Variants in DEF8 observed in about 807,000 individuals in gnomAD.
DEF8 encodes the protein DEF-8.
A neutral mutation model predicts 59.1 loss-of-function variants in DEF8; 38 were observed. The ratio of observed to expected loss-of-function variants is 0.64; its 90% CI spans 0.50 to 0.84. The LOEUF is 0.84. DEF8 is among the 40% of genes least tolerant of loss of function. The probability of loss-of-function intolerance (pLI) is 0.00; values close to 1 mark genes in which losing one functional copy is unlikely to be tolerated. For missense variants in DEF8, 557 were observed against 615.2 expected (o/e 0.91, Z 1.00); for synonymous variants, 265 against 250.1 (o/e 1.06, Z -0.56).
At chr16:89,959,364 A>G (rs993503029) in intron 6 of DEF8, 6 of 1,435,578 alleles carry the variant, frequency 4.2e-6, no homozygotes, top group Non-Finnish European at 1.8e-6. Context: ...CTAGTGAATT[A>G]CATGGTGTGT....
rs148390389 is a variant in DEF8 at position 89,963,460 on chromosome 16, G to T, written c.1002+17G>T. 3.4e-4 allele frequency: 554 copies of T among 1,608,930 alleles called. 5 individuals are homozygous for T. The East Asian group carries it at 0.011, about 33-fold the overall frequency. On this transcript the variant is annotated intron_variant, in intron 10 of 12. Transcript: ENST00000563594. ...CTGCTGCAGGTCAGACTGCCAGCAG[G>T]ACTGGCCCCCGATGGGAAGCGCAGC...
In DEF8 at chr16:89,966,041, C is replaced by T. The variant is rs952486094; in HGVS notation, c.*78C>T. 5.6e-5 allele frequency: 67 copies of T among 1,198,464 alleles called. No homozygotes were observed. The highest frequency in any genetic ancestry group is 2.3e-4 in the East Asian group (9 of 39,804). 74.2% of individuals were successfully genotyped at this position (1,198,464 alleles called of 1,614,324 possible). A position where few individuals can be genotyped will look rare whatever the true frequency, so the allele number is the denominator to read the frequency against. ...CAACATCAAGTTGTTCCTTCTGCTCCGGAGACCCCTGGGGTGCGGCCCTGG... is the reference window on the plus strand; with the variant it reads ...CAACATCAAGTTGTTCCTTCTGCTCTGGAGACCCCTGGGGTGCGGCCCTGG... On this transcript the variant is annotated 3_prime_UTR_variant, in exon 13 of 13. Transcript: ENST00000563594.
rs1178268589 is a variant in DEF8 at position 89,954,110 on chromosome 16, G to A, written c.-10-133G>A. The A allele has an allele frequency of 3.3e-5, 31 of 936,832 alleles. No homozygotes were observed. Among genetic ancestry groups the A allele is most frequent in the Admixed American group, 1.0e-4 (4 of 39,594 alleles). The allele number at this position is 936,832 out of a possible 1,614,324, so 58.0% of individuals were successfully genotyped here. On this transcript the variant is annotated intron_variant, in intron 2 of 12. Transcript: ENST00000563594. The surrounding 1 kb of genome is among the most constrained non-coding windows in gnomAD (Gnocchi z 4.3). Reference sequence around the variant, plus strand: ...AAAGGCTGAAGATCAAGGCTGTGGTGTGAGGACTACCCACTTTAGGGAAGT... The same window carrying A: ...AAAGGCTGAAGATCAAGGCTGTGGTATGAGGACTACCCACTTTAGGGAAGT...
At chr16:89,950,133 C>G in intron 2 of DEF8, 2 of 987,804 alleles carry the variant, frequency 2.0e-6, no homozygotes, top group Non-Finnish European at 2.4e-6. Flanking sequence ...TGCCAGCGTG[C>G]CTTCCTTGAC....
At chr16:89,950,490 G>T (rs1295038658) in intron 2 of DEF8, among the ~76,000 whole-genome samples, 1 of 151,780 alleles carries the variant, frequency 6.6e-6, no homozygotes, top group East Asian at 1.9e-4. Flanking sequence ...CCGTGTTCAA[G>T]TGATTCTCCT....
At chr16:89,965,688 G>A (rs1427783138) in intron 12 of DEF8, among the ~76,000 whole-genome samples, 173 bp from the exon 13 acceptor site, 5 of 152,120 alleles carry the variant, frequency 3.3e-5, no homozygotes, top group African/African-American at 9.7e-5. Flanking sequence ...ACATCTGCAC[G>A]CCCGTAAGCG....
At position 89,967,801 on chromosome 16, in the gene DEF8, G is replaced by C. The variant is rs2034684109; in HGVS notation, c.*1838G>C. 1 of 218,262 alleles carries C rather than the reference G, an allele frequency of 4.6e-6. No homozygotes were observed. Among genetic ancestry groups the C allele is most frequent in the Non-Finnish European group, 8.9e-6 (1 of 111,900 alleles). 13.5% of individuals were successfully genotyped at this position (218,262 alleles called of 1,614,324 possible). ...AGAAAAACTGTGCTGGTATTTGCTG[G>C]ACAAAGGGTTGGGCCCCTTTTATTT... On this transcript the variant is annotated 3_prime_UTR_variant, in exon 13 of 13. Transcript: ENST00000563594.
At chr16:89,950,307 G>A (rs2031770820) in intron 2 of DEF8, 1 of 985,300 alleles carries the variant, frequency 1.0e-6, no homozygotes, top group African/African-American at 1.7e-5. Context: ...CAAGTCCTTA[G>A]CCCTTCCATC....
intron 6 of DEF8, among the ~76,000 whole-genome samples, chr16:89,959,670 A>G (rs901978345): frequency 1.3e-5 from 2 of 151,474 alleles, no homozygotes; most frequent in Non-Finnish European, 2.9e-5. Flanking sequence ...AATTTTTTGT[A>G]TTTTTTTTAG....
At chr16:89,950,660 C>G (rs1348420779) in intron 2 of DEF8, among the ~76,000 whole-genome samples, 3 of 152,116 alleles carry the variant, frequency 2.0e-5, no homozygotes, top group Admixed American at 2.0e-4. Flanking sequence ...AAGTGAGCCA[C>G]CACACACCGG....
intron 1 of DEF8, 122 bp from the exon 2 acceptor site, chr16:89,949,295 T>A: frequency 1.2e-6 from 1 of 818,142 alleles, no homozygotes; most frequent in African/African-American, 1.7e-5. Context: ...GAGCCTCAGT[T>A]TCCCCCTCGG....
intron 6 of DEF8, among the ~76,000 whole-genome samples, chr16:89,959,708 A>G (rs1198555982): frequency 1.3e-5 from 2 of 152,192 alleles, no homozygotes; most frequent in African/African-American, 4.8e-5. Context: ...CGTGTTAGCC[A>G]GGATGGTCTC....
rs373807097 is a variant in DEF8 at position 89,964,501 on chromosome 16, C to T, written c.1179C>T (p.Cys393=). 17 of 1,599,110 alleles carry T rather than the reference C, an allele frequency of 1.1e-5. No individual in the cohort carries two copies. Among genetic ancestry groups the T allele is most frequent in the African/African-American group, 1.3e-5 (1 of 74,516 alleles). ...CCAAGGGCTTCGTGTGTGAGCTCTG[C>T]AGAGAGGGCGACGTGCTGTTCCCGT... The part of the protein sequence containing the change: ...CQAKGFVCEL[C]REGDVLFPFD... The change falls in exon 12 of 13, where the codon TGC becomes TGT. Residue 393 remains cysteine, a synonymous_variant. Transcript: ENST00000563594.
intron 8 of DEF8, 29 bp from the exon 9 acceptor site, chr16:89,961,983 G>A (rs2034084684): frequency 6.2e-7 from 1 of 1,612,330 alleles, no homozygotes; most frequent in Non-Finnish European, 8.5e-7. Context: ...GGGTGGGTGT[G>A]AGAGGTGTCA....
Position 89,964,589 on chromosome 16 carries a change from G to C in DEF8, c.1253+14G>C, listed in dbSNP as rs1479650063. 1 of 1,546,042 alleles carries C rather than the reference G, an allele frequency of 6.5e-7. No individual in the cohort carries two copies. Among genetic ancestry groups the C allele is most frequent in the Admixed American group, 1.9e-5 (1 of 51,486 alleles). The stretch of plus-strand genomic sequence containing the variant: ...GGTCTTCCACAGGTGGGTGTGGCCT[G>C]GGCCCCGCACTCGGGGGCTGGGGCT... On this transcript the variant is annotated intron_variant, in intron 12 of 12. Coordinates refer to ENST00000563594, the MANE Select transcript of DEF8 (RefSeq NM_001242818.2).
chr16:89,960,637 G>A (rs2151196616), intron 6 of DEF8, among the ~76,000 whole-genome samples: 1 of 148,204 alleles, frequency 6.7e-6, no homozygotes, highest in South Asian at 2.3e-4. Context: ...GTCGGGGGTG[G>A]GAGTTTCGTT....
intron 4 of DEF8, among the ~76,000 whole-genome samples, chr16:89,955,960 C>T (rs1426199969): frequency 6.6e-6 from 1 of 151,824 alleles, no homozygotes; most frequent in Non-Finnish European, 1.5e-5. Flanking sequence ...GTAGTCCCAG[C>T]TACTCGGGAG....
chr16:89,957,776 T>C, intron 5 of DEF8, 116 bp downstream of exon 5: 1 of 1,293,524 alleles, frequency 7.7e-7, no homozygotes, highest in Non-Finnish European at 1.0e-6. Flanking sequence ...TCTCTCGGCC[T>C]CAGGGGCTGA....
At chr16:89,950,098 C>G in intron 2 of DEF8, 1 of 989,622 alleles carries the variant, frequency 1.0e-6, no homozygotes, top group Non-Finnish European at 1.2e-6. Flanking sequence ...TAGAGTACAG[C>G]TGCTGGGCAG....
Sources: allele counts gnomAD v4.1 joint callset (sites outside exome capture counted in the v4.1 genomes callset), GRCh38; gene constraint gnomAD v4.1.1; non-coding constraint Gnocchi (gnomAD v3.1); transcripts MANE v1.5; gene names NCBI Gene and HGNC (gene_info 2026-07-23, HGNC 2026-07-21).